The following ROCK1 variants were observed in gnomAD, a reference collection of about 807,000 sequenced individuals.
ROCK1 encodes Rho associated coiled-coil containing protein kinase 1, also known as rho-associated protein kinase 1.
Under a neutral mutation model 196.8 loss-of-function variants are expected in ROCK1, and 36 were observed. The ratio of observed to expected loss-of-function variants is 0.18; its 90% CI spans 0.14 to 0.24. The LOEUF (loss-of-function observed/expected upper bound fraction) is 0.24, where lower values mean the gene tolerates loss of function less well. Ranked by LOEUF, ROCK1 falls within the 10% of genes least tolerant of loss-of-function variation. The pLI is 1.00. For missense variants in ROCK1, 920 were observed against 1,562.0 expected (o/e 0.59, Z 6.93); for synonymous variants, 443 against 515.9 (o/e 0.86, Z 1.91).
chr18:20,997,491 T>C (rs1460147370), intron 16 of ROCK1, among the ~76,000 whole-genome samples: 1 of 152,164 alleles, frequency 6.6e-6, no homozygotes, highest in African/African-American at 2.4e-5. Flanking sequence ...CAACCAGATA[T>C]ATAAAGCAGA....
intron 4 of ROCK1, among the ~76,000 whole-genome samples, chr18:21,047,991 A>G (rs2036175351): frequency 6.6e-6 from 1 of 152,222 alleles, no homozygotes; most frequent in Non-Finnish European, 1.5e-5. Flanking sequence ...AAGGATCCCA[A>G]TACATAAGAC....
intron 2 of ROCK1, among the ~76,000 whole-genome samples, chr18:21,050,405 T>G (rs923138127): frequency 1.3e-5 from 2 of 151,858 alleles, no homozygotes; most frequent in Non-Finnish European, 2.9e-5. Flanking sequence ...AGCATTACAT[T>G]TCTCTATTTG....
chr18:21,005,965 A>AT (rs1402953419), intron 16 of ROCK1, among the ~76,000 whole-genome samples: 1 of 152,252 alleles, frequency 6.6e-6, no homozygotes, highest in African/African-American at 2.4e-5. Context: ...TCATAAATAT[A>AT]TTAACTTAGA....
Position 21,049,233 on chromosome 18 carries a change from T to TAA in ROCK1, c.277-6_277-5dup, listed in dbSNP as rs1274088266. The TAA allele has an allele frequency of 6.4e-7, 1 of 1,562,378 alleles. No individual in the cohort carries two copies. Among genetic ancestry groups the TAA allele is most frequent in the East Asian group, 2.3e-5 (1 of 43,450 alleles). ...TCCTGGTGGATTTATGCCTTACCTT[T>TAA]AAAATTGAAAAGGGAAAATAATGAA... On this transcript the variant is annotated splice_polypyrimidine_tract_variant and splice_region_variant and intron_variant, in intron 3 of 32. Coordinates refer to ENST00000399799, the MANE Select transcript of ROCK1 (RefSeq NM_005406.3).
chr18:21,014,953 T>C (rs1254612275), intron 13 of ROCK1, among the ~76,000 whole-genome samples: 1 of 152,212 alleles, frequency 6.6e-6, no homozygotes, highest in East Asian at 1.9e-4. Flanking sequence ...TGTTATTGTT[T>C]CTCTGATAAT....
intron 1 of ROCK1, among the ~76,000 whole-genome samples, chr18:21,096,370 T>C (rs1383438356): frequency 1.3e-5 from 2 of 152,062 alleles, no homozygotes; most frequent in African/African-American, 4.8e-5. Flanking sequence ...CCAGCTAACT[T>C]TTGTATTTTT....
At chr18:21,007,039 C>T (rs2035774531) in intron 14 of ROCK1, among the ~76,000 whole-genome samples, 1 of 152,048 alleles carries the variant, frequency 6.6e-6, no homozygotes, top group Non-Finnish European at 1.5e-5. Context: ...CCTTTATTCC[C>T]TTTATAAGAT....
intron 1 of ROCK1, among the ~76,000 whole-genome samples, chr18:21,110,501 CTG>C (rs1248568526): frequency 6.6e-6 from 1 of 152,230 alleles, no homozygotes; most frequent in Non-Finnish European, 1.5e-5. Flanking sequence ...ATTCAACAAA[CTG>C]TATACATTGC....
intron 2 of ROCK1, among the ~76,000 whole-genome samples, chr18:21,067,953 A>G (rs1053398889): frequency 1.1e-4 from 16 of 152,220 alleles, no homozygotes; most frequent in Non-Finnish European, 2.4e-4. Flanking sequence ...TTGTCTGAAC[A>G]CCACTGGTTG....
At chr18:21,026,577 T>C (rs1412009836) in intron 10 of ROCK1, among the ~76,000 whole-genome samples, 1 of 151,856 alleles carries the variant, frequency 6.6e-6, no homozygotes, top group African/African-American at 2.4e-5. Context: ...AAAAGATAAG[T>C]GCCAGCTATC....
At chr18:21,046,770 G>A (rs2036163859) in intron 4 of ROCK1, among the ~76,000 whole-genome samples, 1 of 152,112 alleles carries the variant, frequency 6.6e-6, no homozygotes, top group African/African-American at 2.4e-5. Context: ...TTACCCAGAT[G>A]TTTGTCTTAA....
intron 22 of ROCK1, among the ~76,000 whole-genome samples, chr18:20,978,934 T>C (rs1001625475): frequency 6.6e-6 from 1 of 152,224 alleles, no homozygotes; most frequent in African/African-American, 2.4e-5. Context: ...ACAACAGTCT[T>C]TCAAAGGTGA....
intron 2 of ROCK1, among the ~76,000 whole-genome samples, chr18:21,060,569 G>C (rs1459672487): frequency 6.6e-6 from 1 of 152,180 alleles, no homozygotes; most frequent in East Asian, 1.9e-4. Flanking sequence ...GGCCGGCACG[G>C]TGGCTCACGC....
chr18:21,101,281 G>T (rs549347722), intron 1 of ROCK1, among the ~76,000 whole-genome samples: 14 of 152,324 alleles, frequency 9.2e-5, no homozygotes, highest in African/African-American at 3.1e-4. Context: ...TAAAGATCAT[G>T]AATGAATGGA....
chr18:21,031,630 A>T (rs1598535684), intron 9 of ROCK1, among the ~76,000 whole-genome samples: 1 of 150,334 alleles, frequency 6.7e-6, no homozygotes, highest in East Asian at 1.9e-4. Flanking sequence ...AAAAAAGAAA[A>T]TAATATAGAA....
chr18:21,033,976 G>C (rs148942711), intron 9 of ROCK1, among the ~76,000 whole-genome samples: 1 of 145,768 alleles, frequency 6.9e-6, no homozygotes, highest in Admixed American at 6.9e-5. Flanking sequence ...GGAGCTTGCC[G>C]TGAGCCGAGA....
At chr18:20,987,141 T>C in intron 18 of ROCK1, 31 bp from the exon 19 acceptor site, 2 of 1,599,112 alleles carry the variant, frequency 1.3e-6, no homozygotes, top group Non-Finnish European at 1.7e-6. Context: ...AAACATACAT[T>C]TAAAGAAAGA....
At chr18:20,976,505 A>G (rs1410348027) in intron 22 of ROCK1, among the ~76,000 whole-genome samples, 2 of 152,170 alleles carry the variant, frequency 1.3e-5, no homozygotes, top group Non-Finnish European at 2.9e-5. Context: ...TGTGGTAACA[A>G]ATGGCTGGAA....
chr18:21,022,049 A>T (rs1381357520), intron 11 of ROCK1, among the ~76,000 whole-genome samples: 1 of 152,154 alleles, frequency 6.6e-6, no homozygotes, highest in Non-Finnish European at 1.5e-5. Context: ...TTAAGAGTCA[A>T]TATATCAAGG....
Sources: allele counts gnomAD v4.1 joint callset (sites outside exome capture counted in the v4.1 genomes callset), GRCh38; gene constraint gnomAD v4.1.1; transcripts MANE v1.5; gene names NCBI Gene and HGNC (gene_info 2026-07-23, HGNC 2026-07-21).